The following MIA3 variants were observed in gnomAD, a reference collection of about 807,000 sequenced individuals.
The protein encoded by MIA3 is transport and Golgi organization protein 1 homolog.
A neutral mutation model predicts 192.4 loss-of-function variants in MIA3; 90 were observed. That is an observed-to-expected ratio of 0.47 (90% CI 0.39 to 0.56). The LOEUF is 0.56. Among genes scored for constraint, MIA3 ranks in the 20% least tolerant of loss-of-function variants. The pLI is 0.00. For synonymous variants in MIA3, 740 were observed against 792.8 expected, an observed-to-expected ratio of 0.93 and a Z score of 1.12; for missense variants, 2,123 against 2,269.4, an observed-to-expected ratio of 0.94 and a Z score of 1.31.
Position 222,628,559 on chromosome 1 carries a change from G to A in MIA3, c.1339G>A (p.Val447Ile). 6.2e-7 allele frequency: 1 copy of A among 1,614,106 alleles called. No individual in the cohort carries two copies. The highest frequency in any genetic ancestry group is 8.5e-7 in the Non-Finnish European group (1 of 1,180,022). ...CAATGTAGATGATGGTCTTTTTATT[G>A]TAGACATTCCTAAAACAAATAATGA... ...PDNVDDGLFI[V>I]DIPKTNNDKE... The change falls in exon 4 of 28, where the codon GTA becomes ATA. Residue 447 changes from valine (V) to isoleucine (I), a missense_variant. This residue lies in a region of MIA3 where 1,357 missense variants were observed against 1,396.1 expected (regional missense o/e 0.97). Transcript: ENST00000344922.
intron 2 of MIA3, among the ~76,000 whole-genome samples, chr1:222,624,208 A>G (rs1662003148): frequency 6.6e-6 from 1 of 152,218 alleles, no homozygotes; most frequent in East Asian, 1.9e-4. Flanking sequence ...ATTCTTTACT[A>G]CCATAAAACA....
chr1:222,662,542 A>C (rs1664072446), intron 26 of MIA3: 4 of 1,344,098 alleles, frequency 3.0e-6, no homozygotes, highest in Non-Finnish European at 3.9e-6. Flanking sequence ...AAGTACTTAG[A>C]AGTGTGGACT....
intron 7 of MIA3, 134 bp downstream of exon 7, chr1:222,645,819 T>A: frequency 2.6e-6 from 2 of 762,326 alleles, no homozygotes; most frequent in Non-Finnish European, 3.9e-6. Flanking sequence ...TGTAAAATAA[T>A]TTAGTATAAT....
At chr1:222,618,367 C>G (rs1168667046) in intron 1 of MIA3, 124 bp downstream of exon 1, 1 of 1,027,368 alleles carries the variant, frequency 9.7e-7, no homozygotes, top group Non-Finnish European at 1.2e-6. Context: ...AGCCCCTGGC[C>G]GGCCCGGGGG....
intron 4 of MIA3, 39 bp from the exon 5 acceptor site, chr1:222,632,126 A>G (rs1460120465): frequency 1.3e-6 from 2 of 1,596,978 alleles, no homozygotes; most frequent in South Asian, 2.3e-5. Flanking sequence ...AGGTAGTGTC[A>G]TCAAGCTGTG....
chr1:222,627,969 A>G lies in MIA3; in HGVS notation c.749A>G (p.Asn250Ser), dbSNP rs1662196131. 13 of 1,614,126 alleles carry G rather than the reference A, an allele frequency of 8.1e-6. No individual in the cohort carries two copies. Among genetic ancestry groups the G allele is most frequent in the Non-Finnish European group, 1.1e-5 (13 of 1,180,018 alleles). ...GAAAGTGAAAACAACAAAACCAGCAATAGTTCTCAGGTCTCAAATGAACAG... is the reference window on the plus strand; with the variant it reads ...GAAAGTGAAAACAACAAAACCAGCAGTAGTTCTCAGGTCTCAAATGAACAG... ...VPESENNKTSNSSQVSNEQDK... is the reference protein window; with the variant it reads ...VPESENNKTSSSSQVSNEQDK... Residue 250 changes from asparagine to serine, a missense_variant, in exon 4 of 28, where the codon AAT becomes AGT. Asn to Ser is a conservative substitution (Grantham distance 46, BLOSUM62 1). This residue lies in a region of MIA3 where 1,357 missense variants were observed against 1,396.1 expected (regional missense o/e 0.97). Coordinates refer to ENST00000344922, the MANE Select transcript of MIA3 (RefSeq NM_198551.4).
chr1:222,618,731 C>G (rs565514809), intron 1 of MIA3, among the ~76,000 whole-genome samples: 1 of 152,272 alleles, frequency 6.6e-6, no homozygotes, highest in East Asian at 1.9e-4. Context: ...GCGCTAAGGG[C>G]TCGGTGGGCG....
rs182653906 is a variant in MIA3 at position 222,657,280 on chromosome 1, G to A, written c.4608-1442G>A. 4.6e-5 allele frequency among the ~76,000 whole-genome samples: 7 copies of A among 152,268 alleles called. No individual in the cohort carries two copies. The East Asian group carries it at 1.4e-3, about 29-fold the overall frequency. ...TACTCCAAGTGTGCAGCTCTTTTCT[G>A]GTCTCAACCCAAAGCCTAGGGCTTT... On this transcript the variant is annotated intron_variant, in intron 18 of 27. Coordinates refer to ENST00000344922, the MANE Select transcript of MIA3 (RefSeq NM_198551.4).
rs994682534 is a variant in MIA3 at position 222,636,605 on chromosome 1, C to T, written c.3477+3356C>T. ...TTGGCTCATTGCAACCTCCACCTCC[C>T]GGGTTCAAGCGATTCTCCTGCCTTA... On this transcript the variant is annotated intron_variant, in intron 6 of 27. Coordinates refer to ENST00000344922, the MANE Select transcript of MIA3 (RefSeq NM_198551.4). Among the ~76,000 whole-genome samples, 8 of 150,764 alleles carry T rather than the reference C, an allele frequency of 5.3e-5. No homozygotes were observed. The South Asian group carries it at 8.4e-4, about 16-fold the overall frequency.
Position 222,628,365 on chromosome 1 carries a change from C to T in MIA3, c.1145C>T (p.Thr382Ile). Residue 382 changes from threonine (T) to isoleucine (I), a missense_variant, in exon 4 of 28, where the codon ACC becomes ATC. By Grantham distance (89) the Thr-to-Ile change is moderately conservative (BLOSUM62 -1). This residue lies in a region of MIA3 where 1,357 missense variants were observed against 1,396.1 expected (regional missense o/e 0.97). Coordinates refer to ENST00000344922, the MANE Select transcript of MIA3 (RefSeq NM_198551.4). ...IKNDDKNILT[T>I]WGDTIFSIVT... Reference sequence around the variant, plus strand: ...AATGATGATAAAAATATACTAACAACCTGGGGGGACACTATCTTCTCTATT... The same window carrying T: ...AATGATGATAAAAATATACTAACAATCTGGGGGGACACTATCTTCTCTATT... The T allele has an allele frequency of 1.2e-6, 2 of 1,613,882 alleles. No homozygotes were observed. Among genetic ancestry groups the T allele is most frequent in the Non-Finnish European group, 1.7e-6 (2 of 1,179,960 alleles).
Position 222,618,145 on chromosome 1 carries a change from T to TCGTGCTCCGGCTGCC in MIA3, c.37_51dup (p.Val13_Pro17dup). 1 of 1,506,704 alleles carries TCGTGCTCCGGCTGCC rather than the reference T, an allele frequency of 6.6e-7. No individual in the cohort carries two copies. The highest frequency in any genetic ancestry group is 8.9e-7 in the Non-Finnish European group (1 of 1,129,436). 93.3% of individuals were successfully genotyped at this position (1,506,704 alleles called of 1,614,324 possible). ...GCGCCTGGGCTGCTCGTCTGGCTGCTCGTGCTCCGGCTGCCCTGGCGGGTG... is the reference window on the plus strand; with the variant it reads ...GCGCCTGGGCTGCTCGTCTGGCTGCTCGTGCTCCGGCTGCCCGTGCTCCGGCTGCCCTGGCGGGTG... On this transcript the variant is annotated inframe_insertion, in exon 1 of 28. Transcript: ENST00000344922.
chr1:222,624,324 G>C (rs192663773), intron 2 of MIA3, among the ~76,000 whole-genome samples: 1 of 152,162 alleles, frequency 6.6e-6, no homozygotes, highest in Non-Finnish European at 1.5e-5. Flanking sequence ...CAAACGTAAA[G>C]ATAAAATATT....
intron 6 of MIA3, among the ~76,000 whole-genome samples, chr1:222,640,612 A>G (rs1274293558): frequency 6.6e-6 from 1 of 152,194 alleles, no homozygotes; most frequent in Non-Finnish European, 1.5e-5. Flanking sequence ...ATTAACTCAA[A>G]GCAGATAATA....
In MIA3 at chr1:222,629,313, A is replaced by G; in HGVS notation, c.2093A>G (p.Gln698Arg). 6.2e-7 allele frequency: 1 copy of G among 1,614,232 alleles called. No homozygotes were observed. The highest frequency in any genetic ancestry group is 8.5e-7 in the Non-Finnish European group (1 of 1,180,036). ...GAGTTTTTTCATCACAAGGCAATGC[A>G]GGGCACAGAGGTAGGACAGACAGAC... ...DEEFFHHKAM[Q>R]GTEVGQTDQT... The change falls in exon 4 of 28, where the codon CAG becomes CGG. Residue 698 changes from glutamine (Q) to arginine (R), a missense_variant. This residue lies in a region of MIA3 where 1,357 missense variants were observed against 1,396.1 expected (regional missense o/e 0.97). Coordinates refer to ENST00000344922, the MANE Select transcript of MIA3 (RefSeq NM_198551.4).
chr1:222,632,461 A>G (rs1662443321), intron 5 of MIA3, 135 bp downstream of exon 5: 2 of 736,640 alleles, frequency 2.7e-6, no homozygotes, highest in Non-Finnish European at 4.3e-6. Flanking sequence ...AATTGAGAGA[A>G]AAGCAGGCGT....
intron 24 of MIA3, 113 bp downstream of exon 24, chr1:222,660,427 A>G (rs534411480): frequency 9.7e-7 from 1 of 1,027,698 alleles, no homozygotes; most frequent in South Asian, 2.6e-5. Context: ...TAGAAAAGAA[A>G]ATTTCTTAAT....
chr1:222,626,392 A>G (rs1662120799), intron 3 of MIA3, among the ~76,000 whole-genome samples: 1 of 152,064 alleles, frequency 6.6e-6, no homozygotes, highest in African/African-American at 2.4e-5. Flanking sequence ...TGATTCCCTT[A>G]ATATTAAAAA....
chr1:222,646,342 G>A (rs1185912205), intron 7 of MIA3, among the ~76,000 whole-genome samples: 1 of 151,626 alleles, frequency 6.6e-6, no homozygotes, highest in South Asian at 2.1e-4. Context: ...TTGAACCTGG[G>A]AGGCGGAGGC....
rs893132740 is a variant in MIA3, at chr1:222,667,724, C to T, written c.*2105C>T. 1.0e-3 allele frequency: 156 copies of T among 152,274 alleles called. No individual in the cohort carries two copies. The highest frequency in any genetic ancestry group is 3.2e-3 in the African/African-American group (132 of 41,536). The allele number at this position is 152,274 out of a possible 1,614,324, so 9.4% of individuals were successfully genotyped here. ...TGGCATAGGGAGTATCATCCCTCAG[C>T]CAAATCACTTTTCCATCTCTAAAGT... On this transcript the variant is annotated 3_prime_UTR_variant, in exon 28 of 28. Transcript: ENST00000344922.
Sources: allele counts gnomAD v4.1 joint callset (sites outside exome capture counted in the v4.1 genomes callset), GRCh38; gene constraint gnomAD v4.1.1; regional missense constraint gnomAD v4.1.1; transcripts MANE v1.5; gene names NCBI Gene and HGNC (gene_info 2026-07-23, HGNC 2026-07-21).